Variants in SPAG16 observed in about 807,000 individuals in gnomAD.
The protein encoded by SPAG16 is sperm associated antigen 16.
In SPAG16, 86 loss-of-function variants were observed where a neutral mutation model predicts 80.4. That is an observed-to-expected ratio of 1.07 (90% CI 0.90 to 1.28). The LOEUF is 1.28. Ranked by LOEUF, SPAG16 falls within the 50% of genes most tolerant of loss-of-function variation. SPAG16 has a pLI of 0.00. For missense variants in SPAG16, 870 were observed against 765.3 expected (o/e 1.14, Z -1.61); for synonymous variants, 294 against 265.9 (o/e 1.11, Z -1.03).
chr2:213,873,886 G>A (rs2076042711), intron 11 of SPAG16, among the ~76,000 whole-genome samples: 1 of 151,966 alleles, frequency 6.6e-6, no homozygotes, highest in African/African-American at 2.4e-5. Context: ...AACCTAGATG[G>A]TATAGCCTAC....
chr2:214,203,609 C>A (rs1034020843), intron 15 of SPAG16, among the ~76,000 whole-genome samples: 1 of 152,094 alleles, frequency 6.6e-6, no homozygotes, highest in Non-Finnish European at 1.5e-5. Flanking sequence ...GGAGCTGAGA[C>A]AAATTTAGAG....
At chr2:213,868,248 AAT>A (rs2075786194) in intron 11 of SPAG16, among the ~76,000 whole-genome samples, 1 of 90,888 alleles carries the variant, frequency 1.1e-5, no homozygotes, top group South Asian at 8.2e-4. Flanking sequence ...TAAAAATGAG[AAT>A]TTTTTTTTTA....
At chr2:214,333,382 A>G (rs1697062360) in intron 15 of SPAG16, among the ~76,000 whole-genome samples, 3 of 151,938 alleles carry the variant, frequency 2.0e-5, no homozygotes. Flanking sequence ...CTGGCTACCC[A>G]CTCTAATCTT....
At chr2:213,489,379 G>C (rs1378823532) in intron 9 of SPAG16, among the ~76,000 whole-genome samples, 1 of 152,096 alleles carries the variant, frequency 6.6e-6, no homozygotes, top group Non-Finnish European at 1.5e-5. Flanking sequence ...GGTGGAGCGG[G>C]CGGTGACCAA....
chr2:213,833,285 A>G (rs1054373059), intron 10 of SPAG16, among the ~76,000 whole-genome samples: 1 of 146,684 alleles, frequency 6.8e-6, no homozygotes, highest in South Asian at 2.1e-4. Context: ...TTTTCAAATG[A>G]GTAGAGATCC....
intron 15 of SPAG16, among the ~76,000 whole-genome samples, chr2:214,407,965 A>G (rs1180919043): frequency 1.3e-5 from 2 of 151,556 alleles, no homozygotes; most frequent in Non-Finnish European, 2.9e-5. Flanking sequence ...CAGTCTTGCA[A>G]TCTTCTGAAA....
At chr2:213,707,264 CT>C (rs2065797939) in intron 10 of SPAG16, among the ~76,000 whole-genome samples, 2 of 152,210 alleles carry the variant, frequency 1.3e-5, no homozygotes, top group African/African-American at 2.4e-5. Context: ...ACCTCTTCAA[CT>C]TCATCCTGCC....
At chr2:214,245,664 T>C (rs1346491881) in intron 15 of SPAG16, among the ~76,000 whole-genome samples, 2 of 152,170 alleles carry the variant, frequency 1.3e-5, no homozygotes, top group African/African-American at 4.8e-5. Flanking sequence ...ACATACATTC[T>C]AGTGTGTACC....
At chr2:214,389,368 A>G (rs765186990) in intron 15 of SPAG16, among the ~76,000 whole-genome samples, 37 of 152,230 alleles carry the variant, frequency 2.4e-4, no homozygotes, top group Admixed American at 1.1e-3. Flanking sequence ...TTCCAGCAGG[A>G]GACTCTATGG....
intron 15 of SPAG16, among the ~76,000 whole-genome samples, chr2:214,274,610 C>A (rs1692305063): frequency 6.6e-6 from 1 of 152,128 alleles, no homozygotes; most frequent in Admixed American, 6.5e-5. Flanking sequence ...CAATGATTTG[C>A]ATATGTTGAA....
At chr2:213,750,118 A>G (rs2068014558) in intron 10 of SPAG16, among the ~76,000 whole-genome samples, 1 of 152,222 alleles carries the variant, frequency 6.6e-6, no homozygotes, top group East Asian at 1.9e-4. Context: ...CAAAATAAGA[A>G]TTAATTTTTA....
intron 13 of SPAG16, among the ~76,000 whole-genome samples, chr2:214,057,838 C>T (rs996808764): frequency 3.9e-5 from 6 of 152,188 alleles, no homozygotes; most frequent in African/African-American, 1.4e-4. Flanking sequence ...ACTGGCGCTT[C>T]ACCTTGCACT....
At chr2:214,339,340 T>C (rs1697507548) in intron 15 of SPAG16, among the ~76,000 whole-genome samples, 1 of 152,154 alleles carries the variant, frequency 6.6e-6, no homozygotes, top group Non-Finnish European at 1.5e-5. Flanking sequence ...AGGCACTAGA[T>C]TAAATGATGA....
intron 15 of SPAG16, among the ~76,000 whole-genome samples, chr2:214,332,994 T>C (rs989171355): frequency 2.0e-5 from 3 of 152,194 alleles, no homozygotes; most frequent in Non-Finnish European, 2.9e-5. Context: ...TCTCGAGATA[T>C]CAATGTCAGC....
chr2:213,995,881 G>A (rs978554920), intron 12 of SPAG16, among the ~76,000 whole-genome samples: 4 of 152,170 alleles, frequency 2.6e-5, no homozygotes, highest in Non-Finnish European at 5.9e-5. Flanking sequence ...GCAATAGAAT[G>A]ATACTAAATT....
chr2:213,356,368 G>A (rs2927242), intron 7 of SPAG16, among the ~76,000 whole-genome samples: 7 of 152,132 alleles, frequency 4.6e-5, no homozygotes, highest in Non-Finnish European at 8.8e-5. Flanking sequence ...CTGTGAATCT[G>A]TCTGATCTTG....
At chr2:213,293,721 C>T (rs1239931733) in intron 1 of SPAG16, among the ~76,000 whole-genome samples, 2 of 152,132 alleles carry the variant, frequency 1.3e-5, no homozygotes, top group African/African-American at 4.8e-5. Flanking sequence ...CCAGATAAAC[C>T]ACTACTGAGC....
chr2:213,404,892 G>A (rs1208932670), intron 9 of SPAG16, among the ~76,000 whole-genome samples: 1 of 151,684 alleles, frequency 6.6e-6, no homozygotes, highest in African/African-American at 2.4e-5. Context: ...TTATTTGTGT[G>A]TATACTTTTT....
intron 15 of SPAG16, among the ~76,000 whole-genome samples, chr2:214,267,273 G>C (rs1409822009): frequency 2.0e-5 from 3 of 151,774 alleles, no homozygotes; most frequent in African/African-American, 7.2e-5. Context: ...AATCCAAACA[G>C]TATGATACTG....
Sources: gnomAD v4.1 joint callset for allele counts (sites outside exome capture counted in the v4.1 genomes callset) on GRCh38, gnomAD v4.1.1 for gene constraint, MANE v1.5 for transcripts, NCBI Gene and HGNC (gene_info 2026-07-23, HGNC 2026-07-21) for gene names.